NDST3: variants seen among roughly 807,000 people sequenced by gnomAD.
NDST3 encodes the protein N-deacetylase and N-sulfotransferase 3.
Under a neutral mutation model 96.1 loss-of-function variants are expected in NDST3, and 58 were observed. The observed-to-expected ratio is 0.60, with a 90% CI of 0.49 to 0.75. The LOEUF (loss-of-function observed/expected upper bound fraction) is 0.75. NDST3 is among the 30% of genes least tolerant of loss of function. NDST3 has a pLI of 0.00. For missense variants in NDST3, 788 were observed against 1,034.2 expected (o/e 0.76, Z 3.27); for synonymous variants, 333 against 359.7 (o/e 0.93, Z 0.84).
chr4:118,066,085 ATATATTATATATATTATATAATATATT>A, intron 2 of NDST3, among the ~76,000 whole-genome samples: 2 of 44,292 alleles, frequency 4.5e-5, no homozygotes, highest in Admixed American at 8.7e-4. Flanking sequence ...ATAACATATT[ATATATTATATATATTATATAATATATT>A]TTATATATTA....
chr4:118,087,535 A>G (rs1728527515), intron 2 of NDST3, among the ~76,000 whole-genome samples: 1 of 152,026 alleles, frequency 6.6e-6, no homozygotes, highest in Admixed American at 6.6e-5. Flanking sequence ...GAATATCTCT[A>G]ATCAGTTCCA....
chr4:118,167,769 C>A (rs1735657594), intron 6 of NDST3, among the ~76,000 whole-genome samples: 1 of 151,954 alleles, frequency 6.6e-6, no homozygotes, highest in Non-Finnish European at 1.5e-5. Flanking sequence ...CATATGTTGT[C>A]AACTGACCTT....
intron 2 of NDST3, among the ~76,000 whole-genome samples, chr4:118,087,983 T>A (rs28753894): frequency 0.029 from 4,359 of 152,122 alleles, 231 homozygotes; most frequent in African/African-American, 0.099. Context: ...TAGAGGAGAG[T>A]TATAACGTTG....
At chr4:118,040,845 T>A (rs1036718646) in intron 1 of NDST3, among the ~76,000 whole-genome samples, 1 of 137,936 alleles carries the variant, frequency 7.2e-6, no homozygotes, top group African/African-American at 2.6e-5. Flanking sequence ...TCCAACTAAT[T>A]TATATATATA....
intron 8 of NDST3, among the ~76,000 whole-genome samples, chr4:118,229,477 C>G (rs1445681022): frequency 6.6e-6 from 1 of 152,122 alleles, no homozygotes; most frequent in Non-Finnish European, 1.5e-5. Flanking sequence ...ATATGCAGGA[C>G]AGTTTATTCA....
chr4:118,196,943 A>T (rs1737732473), intron 6 of NDST3, among the ~76,000 whole-genome samples: 2 of 135,864 alleles, frequency 1.5e-5, no homozygotes, highest in East Asian at 2.2e-4. Flanking sequence ...GTTTATTTGA[A>T]GTTTTTTTTT....
intron 2 of NDST3, among the ~76,000 whole-genome samples, chr4:118,088,754 A>G (rs1029995549): frequency 2.6e-5 from 4 of 152,040 alleles, no homozygotes; most frequent in African/African-American, 9.7e-5. Context: ...ATTTTCATCC[A>G]TATTTTCAAA....
chr4:118,061,291 G>C (rs975695953), intron 2 of NDST3, among the ~76,000 whole-genome samples: 9 of 152,036 alleles, frequency 5.9e-5, no homozygotes, highest in African/African-American at 2.2e-4. Flanking sequence ...TTACTCAAAT[G>C]TTACTTTCTC....
chr4:118,250,571 G>C (rs1266315659), intron 12 of NDST3, among the ~76,000 whole-genome samples: 1 of 150,490 alleles, frequency 6.6e-6, no homozygotes, highest in Non-Finnish European at 1.5e-5. Flanking sequence ...CGCAACCTCT[G>C]CCCCCCAGGT....
chr4:118,254,245 C>CAAAA (rs33924467), intron 13 of NDST3, among the ~76,000 whole-genome samples: 1 of 127,668 alleles, frequency 7.8e-6, no homozygotes, highest in African/African-American at 3.1e-5. Context: ...AACTCCAACT[C>CAAAA]AAAAAAAAAA....
chr4:118,165,819 G>A (rs1301368572), intron 6 of NDST3, among the ~76,000 whole-genome samples: 1 of 151,264 alleles, frequency 6.6e-6, no homozygotes. Flanking sequence ...TAACAATTTG[G>A]GTACAAGAAA....
At chr4:118,056,147 CA>C (rs1275179557) in intron 2 of NDST3, among the ~76,000 whole-genome samples, 3 of 151,790 alleles carry the variant, frequency 2.0e-5, no homozygotes, top group African/African-American at 7.3e-5. Context: ...ATAATTCTTC[CA>C]TTTTTTTTCC....
intron 12 of NDST3, among the ~76,000 whole-genome samples, chr4:118,246,960 C>A (rs1250561742): frequency 6.6e-6 from 1 of 152,250 alleles, no homozygotes; most frequent in South Asian, 2.1e-4. Flanking sequence ...TCATATACTG[C>A]TAATGATAAT....
Position 118,256,108 on chromosome 4 carries a change from T to C in NDST3, c.*396T>C, listed in dbSNP as rs1360592282. The C allele has an allele frequency of 6.5e-6, 1 of 152,850 alleles. No homozygotes were observed. The highest frequency in any genetic ancestry group is 1.9e-4 in the East Asian group (1 of 5,230). The allele number at this position is 152,850 out of a possible 1,614,324, so 9.5% of individuals were successfully genotyped here. A position where few individuals can be genotyped will look rare whatever the true frequency, so the allele number is the denominator to read the frequency against. On this transcript the variant is annotated 3_prime_UTR_variant, in exon 14 of 14. Coordinates refer to ENST00000296499, the MANE Select transcript of NDST3 (RefSeq NM_004784.3). ...TGTTTGCCTGTACGATGTTTTCTTA[T>C]TATTTTATTCTATAAAGTGTCCTAT...
chr4:118,210,816 G>A (rs563805793), intron 6 of NDST3, among the ~76,000 whole-genome samples: 2 of 151,678 alleles, frequency 1.3e-5, no homozygotes. Context: ...TGCTCAAGAG[G>A]GTTCCTGATA....
chr4:118,071,337 G>A (rs1265159525), intron 2 of NDST3, among the ~76,000 whole-genome samples: 3 of 152,090 alleles, frequency 2.0e-5, no homozygotes, highest in South Asian at 2.1e-4. Flanking sequence ...CAGGGGTTTG[G>A]TGTACAGATT....
intron 6 of NDST3, among the ~76,000 whole-genome samples, chr4:118,181,220 G>A (rs973188448): frequency 4.6e-5 from 7 of 152,056 alleles, no homozygotes; most frequent in Non-Finnish European, 1.0e-4. Flanking sequence ...AGGTAGCCAC[G>A]AGAACTCTAT....
rs113456225 is a variant in NDST3, at chr4:118,061,631, T to C, written c.981+6740T>C. ...ATTGTGGTTTTTGCCACTACTTTGT[T>C]ATTTGGACTATTAAAATGTAAGCTT... On this transcript the variant is annotated intron_variant, in intron 2 of 13. Transcript: ENST00000296499. 6.6e-5 allele frequency among the ~76,000 whole-genome samples: 10 copies of C among 152,336 alleles called. 1 individual carries two copies. The highest frequency in any genetic ancestry group is 2.2e-4 in the African/African-American group (9 of 41,584).
At chr4:118,087,778 G>A (rs1441621451) in intron 2 of NDST3, among the ~76,000 whole-genome samples, 3 of 152,046 alleles carry the variant, frequency 2.0e-5, no homozygotes, top group African/African-American at 7.2e-5. Context: ...ACACACTTAA[G>A]GCCAGTACAG....
Sources: allele counts gnomAD v4.1 joint callset (sites outside exome capture counted in the v4.1 genomes callset), GRCh38; gene constraint gnomAD v4.1.1; transcripts MANE v1.5; gene names NCBI Gene and HGNC (gene_info 2026-07-23, HGNC 2026-07-21).